The following VAV2 variants were observed in gnomAD, a reference collection of about 807,000 sequenced individuals.
VAV2 encodes the protein guanine nucleotide exchange factor VAV2.
A neutral mutation model predicts 132.5 loss-of-function variants in VAV2; 67 were observed. The observed-to-expected ratio is 0.51, with a 90% confidence interval of 0.42 to 0.62. The LOEUF is 0.62. Ranked by LOEUF, VAV2 falls within the 20% of genes least tolerant of loss-of-function variation. VAV2 has a pLI of 0.00. For synonymous variants in VAV2, 492 were observed against 443.5 expected, an observed-to-expected ratio of 1.11 and a Z score of -1.37; for missense variants, 938 against 1,153.6, an observed-to-expected ratio of 0.81 and a Z score of 2.71.
At chr9:133,821,286 C>T (rs1048707934) in intron 4 of VAV2, among the ~76,000 whole-genome samples, 2 of 152,226 alleles carry the variant, frequency 1.3e-5, no homozygotes, top group African/African-American at 2.4e-5. Context: ...CTCATCACTT[C>T]GGAACAGGCG....
chr9:133,810,668 G>A (rs1835325582), intron 5 of VAV2, among the ~76,000 whole-genome samples: 3 of 152,208 alleles, frequency 2.0e-5, no homozygotes, highest in South Asian at 4.1e-4. Context: ...CATAGGCAGC[G>A]CTGTTCCCCA....
chr9:133,880,241 C>T (rs565043111), intron 2 of VAV2, among the ~76,000 whole-genome samples: 6 of 152,296 alleles, frequency 3.9e-5, no homozygotes, highest in African/African-American at 1.4e-4. Context: ...GCTCTGTGTG[C>T]CCCACCGGAG....
At chr9:133,975,882 T>C (rs1036088870) in intron 1 of VAV2, among the ~76,000 whole-genome samples, 1 of 152,226 alleles carries the variant, frequency 6.6e-6, no homozygotes, top group East Asian at 1.9e-4. Flanking sequence ...CCACACTTCT[T>C]CTCTTGTCAG....
At chr9:133,898,151 GC>G (rs1839288439) in intron 2 of VAV2, among the ~76,000 whole-genome samples, 1 of 152,168 alleles carries the variant, frequency 6.6e-6, no homozygotes, top group Non-Finnish European at 1.5e-5. Context: ...AGATGGGCCT[GC>G]CCCGGGCTGC....
intron 6 of VAV2, among the ~76,000 whole-genome samples, chr9:133,809,537 CCT>C (rs895458095): frequency 1.7e-4 from 26 of 152,216 alleles, no homozygotes; most frequent in African/African-American, 5.5e-4. Context: ...GTGCATAAGT[CCT>C]CTCTACGTGG....
Position 133,961,805 on chromosome 9 carries a change from A to C in VAV2, c.205-22586T>G, listed in dbSNP as rs150382779. ...TTGCATGATGTACACCAGGGAGCCCACAGGAGCAGAGTGGCCCCTCGTTCT... is the reference window on the plus strand; with the variant it reads ...TTGCATGATGTACACCAGGGAGCCCCCAGGAGCAGAGTGGCCCCTCGTTCT... On this transcript the variant is annotated intron_variant, in intron 1 of 29. Coordinates refer to ENST00000371850, the MANE Select transcript of VAV2 (RefSeq NM_001134398.2). This position sits in a 1 kb window ranked among gnomAD's most constrained non-coding sequence, Gnocchi z 4.1. Among the ~76,000 whole-genome samples, 702 of 152,288 alleles carry C rather than the reference A, an allele frequency of 4.6e-3. 2 individuals are homozygous for C. The highest frequency in any genetic ancestry group is 8.5e-3 in the Non-Finnish European group (576 of 68,004).
At chr9:133,964,070 A>T (rs10993879) in intron 1 of VAV2, among the ~76,000 whole-genome samples, 29,014 of 87,428 alleles carry the variant, frequency 0.33, 4,582 homozygotes, top group South Asian at 0.41. Context: ...CATATATATA[A>T]ATGAATAGGC....
chr9:133,797,928 T>G, intron 9 of VAV2, 119 bp from the exon 10 acceptor site: 1 of 805,306 alleles, frequency 1.2e-6, no homozygotes, highest in South Asian at 1.8e-5. Context: ...GCCCCTCCCC[T>G]GACAGCTCCC....
At chr9:133,819,672 G>A (rs80135729) in intron 4 of VAV2, among the ~76,000 whole-genome samples, 5,099 of 152,214 alleles carry the variant, frequency 0.033, 173 homozygotes, top group African/African-American at 0.095. Flanking sequence ...CCCTCCTTGT[G>A]GAGCCCAGAG....
At chr9:133,971,900 G>A (rs1842347459) in intron 1 of VAV2, among the ~76,000 whole-genome samples, 1 of 152,132 alleles carries the variant, frequency 6.6e-6, no homozygotes, top group Admixed American at 6.5e-5. Flanking sequence ...AAGGCCCCTG[G>A]GGCTGCAGAT....
intron 2 of VAV2, among the ~76,000 whole-genome samples, chr9:133,921,479 CAG>C (rs1840295494): frequency 6.6e-6 from 1 of 152,116 alleles, no homozygotes; most frequent in African/African-American, 2.4e-5. Flanking sequence ...TTTTCAAAAA[CAG>C]TAATAAAAAA....
intron 4 of VAV2, among the ~76,000 whole-genome samples, chr9:133,813,816 A>G (rs1564371908): frequency 6.6e-6 from 1 of 152,242 alleles, no homozygotes; most frequent in Admixed American, 6.5e-5. Context: ...CCAGCATTCA[A>G]AGAGCCACCG....
intron 24 of VAV2, among the ~76,000 whole-genome samples, 186 bp downstream of exon 24, chr9:133,775,842 G>T (rs1419222949): frequency 6.6e-6 from 1 of 152,258 alleles, no homozygotes; most frequent in Admixed American, 6.5e-5. Flanking sequence ...GGCTCCTGGA[G>T]AGTTATAGGC....
At position 133,883,473 on chromosome 9, in the gene VAV2, C is replaced by T. The variant is rs1838580081; in HGVS notation, c.322-22041G>A. ...GCAGCTCAGCCACTTAAAAATTCGTCGGAACATGTTGAAACAATGAGGGGA... is the reference window on the plus strand; with the variant it reads ...GCAGCTCAGCCACTTAAAAATTCGTTGGAACATGTTGAAACAATGAGGGGA... On this transcript the variant is annotated intron_variant, in intron 2 of 29. Coordinates refer to ENST00000371850, the MANE Select transcript of VAV2 (RefSeq NM_001134398.2). This position sits in a 1 kb window ranked among gnomAD's most constrained non-coding sequence, Gnocchi z 4.2. Among the ~76,000 whole-genome samples, 1 of 152,112 alleles carries T rather than the reference C, an allele frequency of 6.6e-6. No individual in the cohort carries two copies. Among genetic ancestry groups the T allele is most frequent in the African/African-American group, 2.4e-5 (1 of 41,404 alleles).
intron 2 of VAV2, among the ~76,000 whole-genome samples, chr9:133,895,909 T>C (rs1564445121): frequency 6.6e-6 from 1 of 151,994 alleles, no homozygotes; most frequent in Non-Finnish European, 1.5e-5. Context: ...GCCTTCTTAA[T>C]TGGCAGCCAC....
intron 3 of VAV2, among the ~76,000 whole-genome samples, chr9:133,855,932 C>T (rs570915012): frequency 3.8e-4 from 58 of 152,276 alleles, no homozygotes; most frequent in African/African-American, 1.1e-3. Context: ...TAAACGGATA[C>T]GCAAAATATG....
chr9:133,992,093 G>T lies in VAV2; in HGVS notation c.186C>A (p.Phe62Leu). 6.3e-7 allele frequency: 1 copy of T among 1,581,392 alleles called. No homozygotes were observed. The highest frequency in any genetic ancestry group is 1.7e-4 in the Middle Eastern group (1 of 5,820). The change falls in exon 1 of 30, where the codon TTC (phenylalanine) becomes TTA (leucine). Residue 62 changes from phenylalanine to leucine, a missense_variant. By Grantham distance (22) the Phe-to-Leu change is conservative. Transcript: ENST00000371850. This position sits in a 1 kb window ranked among gnomAD's most constrained non-coding sequence, Gnocchi z 5.5. ...CGCTCACCTGGGACATCTGCGGCCG[G>T]AAGTTGATGTCCTTGAGGTCGATGG... ...PGSIDLKDIN[F>L]RPQMSQFLCL...
At position 133,918,070 on chromosome 9, in the gene VAV2, T is replaced by C. The variant is rs77463372; in HGVS notation, c.321+21033A>G. ...TCACCAACTCCATTTTCCAAAGTGA[T>C]TGAGACTCTAACACCATTAAACATG... On this transcript the variant is annotated intron_variant, in intron 2 of 29. Coordinates refer to ENST00000371850, the MANE Select transcript of VAV2 (RefSeq NM_001134398.2). This position sits in a 1 kb window ranked among gnomAD's most constrained non-coding sequence, Gnocchi z 4.7. Among the ~76,000 whole-genome samples the C allele has an allele frequency of 2.2e-3, 340 of 152,314 alleles. 4 individuals carry two copies. The East Asian group carries it at 0.026, about 12-fold the overall frequency.
In VAV2 at chr9:133,827,408, G is replaced by C. The variant is rs201407901; in HGVS notation, c.449+6864C>G. ...TGACCACTGAGCACGGGCATCGCCA[G>C]CTACTGCTGTGCCCACTGAGGCTGA... On this transcript the variant is annotated intron_variant, in intron 4 of 29. Transcript: ENST00000371850. Among the ~76,000 whole-genome samples the C allele has an allele frequency of 3.1e-3, 85 of 27,616 alleles. 21 individuals are homozygous for C. Among genetic ancestry groups the C allele is most frequent in the South Asian group, 5.1e-3 (2 of 390 alleles). 18.1% of individuals were successfully genotyped at this position (27,616 alleles called of 152,430 possible).
Sources: allele counts gnomAD v4.1 joint callset (sites outside exome capture counted in the v4.1 genomes callset), GRCh38; gene constraint gnomAD v4.1.1; non-coding constraint Gnocchi (gnomAD v3.1); transcripts MANE v1.5; gene names NCBI Gene and HGNC (gene_info 2026-07-23, HGNC 2026-07-21).